The following TENM4 variants were observed in gnomAD, a reference collection of about 807,000 sequenced individuals.
The protein encoded by TENM4 is teneurin-4.
A neutral mutation model predicts 243.3 loss-of-function variants in TENM4; 82 were observed. The observed-to-expected ratio is 0.34, with a 90% CI of 0.28 to 0.40. The LOEUF (loss-of-function observed/expected upper bound fraction) is 0.40, where lower values mean the gene tolerates loss of function less well. Among genes scored for constraint, TENM4 ranks in the 10% least tolerant of loss-of-function variants. The pLI is 1.00. For synonymous variants in TENM4, 1,412 were observed against 1,456.3 expected, an observed-to-expected ratio of 0.97 and a Z score of 0.69; for missense variants, 3,138 against 3,673.3, an observed-to-expected ratio of 0.85 and a Z score of 3.77.
intron 1 of TENM4, among the ~76,000 whole-genome samples, chr11:79,414,078 G>A (rs1858760810): frequency 6.6e-6 from 1 of 151,798 alleles, no homozygotes; most frequent in Non-Finnish European, 1.5e-5. Context: ...ACTTGACTTT[G>A]CTCTCAAAGG....
At chr11:79,272,771 G>C (rs2135348010) in intron 2 of TENM4, among the ~76,000 whole-genome samples, 1 of 152,150 alleles carries the variant, frequency 6.6e-6, no homozygotes, top group Middle Eastern at 3.4e-3. Context: ...GCTTCCCCTG[G>C]CCTGAGTTAA....
chr11:78,887,713 G>T lies in TENM4; in HGVS notation c.1084+2072C>A, dbSNP rs141379478. Among the ~76,000 whole-genome samples, 283 of 152,230 alleles carry T rather than the reference G, an allele frequency of 1.9e-3. 2 individuals are homozygous for T. Among genetic ancestry groups the T allele is most frequent in the African/African-American group, 6.5e-3 (270 of 41,524 alleles). On this transcript the variant is annotated intron_variant, in intron 9 of 33. Transcript: ENST00000278550. ...AGAGAGCTCACTAATTCCCACAGTT[G>T]CCCCTATCTTTAAATAGCTGAAGAC... is the stretch of plus-strand genomic sequence containing the variant.
At chr11:79,231,138 G>A (rs377219249) in intron 2 of TENM4, among the ~76,000 whole-genome samples, 1 of 152,148 alleles carries the variant, frequency 6.6e-6, no homozygotes, top group Non-Finnish European at 1.5e-5. Context: ...AAGGGACATG[G>A]AACTGGCAAA....
chr11:79,259,663 A>G (rs1415773350), intron 2 of TENM4, among the ~76,000 whole-genome samples: 2 of 15,518 alleles, frequency 1.3e-4, no homozygotes, highest in East Asian at 9.4e-3. Context: ...CCATCTATCC[A>G]TCCATCCATC....
At chr11:79,308,186 C>T (rs1856658564) in intron 1 of TENM4, among the ~76,000 whole-genome samples, 1 of 152,242 alleles carries the variant, frequency 6.6e-6, no homozygotes, top group Non-Finnish European at 1.5e-5. Flanking sequence ...GCCTAGAGAT[C>T]AAGGGCCTTC....
chr11:79,145,652 T>G (rs2135043272), intron 4 of TENM4, among the ~76,000 whole-genome samples: 1 of 152,242 alleles, frequency 6.6e-6, no homozygotes, highest in African/African-American at 2.4e-5. Flanking sequence ...AGGGGTATAT[T>G]CCAAGGAGTG....
chr11:78,661,951 CA>C (rs1414030400), intron 32 of TENM4, among the ~76,000 whole-genome samples: 1 of 152,160 alleles, frequency 6.6e-6, no homozygotes, highest in Non-Finnish European at 1.5e-5. Flanking sequence ...GAGATACTTA[CA>C]AAGGACAGCC....
At chr11:79,290,729 C>T (rs538507898) in intron 2 of TENM4, among the ~76,000 whole-genome samples, 4 of 151,994 alleles carry the variant, frequency 2.6e-5, no homozygotes, top group Non-Finnish European at 5.9e-5. Context: ...CCTCTTTGGA[C>T]CATTTTATTG....
chr11:79,102,151 G>A (rs776850016), intron 4 of TENM4, among the ~76,000 whole-genome samples: 17 of 152,352 alleles, frequency 1.1e-4, no homozygotes, highest in Non-Finnish European at 1.8e-4. Flanking sequence ...CAGTGATCAG[G>A]ACAGTGTCTG....
At chr11:78,730,099 C>T (rs1042512592) in intron 21 of TENM4, among the ~76,000 whole-genome samples, 3 of 152,172 alleles carry the variant, frequency 2.0e-5, no homozygotes, top group Non-Finnish European at 2.9e-5. Flanking sequence ...AGAAAGCTCA[C>T]GGAACCTCTG....
chr11:79,199,152 C>A (rs989270448), intron 3 of TENM4, among the ~76,000 whole-genome samples: 3 of 152,060 alleles, frequency 2.0e-5, no homozygotes, highest in Non-Finnish European at 4.4e-5. Flanking sequence ...ATGGCCAGGG[C>A]AGTTAGGAGC....
intron 1 of TENM4, among the ~76,000 whole-genome samples, chr11:79,378,442 C>G (rs1027484549): frequency 1.3e-5 from 2 of 152,206 alleles, no homozygotes; most frequent in African/African-American, 4.8e-5. Flanking sequence ...TGCATGGCTG[C>G]CCAGCTAAGT....
At chr11:79,182,365 T>G (rs1304986090) in intron 3 of TENM4, among the ~76,000 whole-genome samples, 1 of 152,148 alleles carries the variant, frequency 6.6e-6, no homozygotes, top group Non-Finnish European at 1.5e-5. Flanking sequence ...CAACAAATGG[T>G]GTAGGGACAA....
At chr11:79,083,178 G>A (rs565221093) in intron 4 of TENM4, among the ~76,000 whole-genome samples, 1 of 152,326 alleles carries the variant, frequency 6.6e-6, no homozygotes, top group South Asian at 2.1e-4. Flanking sequence ...GAGGCTGCTG[G>A]GGTGGAGGTG....
chr11:79,308,184 ATCAAGGGCCT>A (rs1856658524), intron 1 of TENM4, among the ~76,000 whole-genome samples: 1 of 152,248 alleles, frequency 6.6e-6, no homozygotes, highest in African/African-American at 2.4e-5. Context: ...CAGCCTAGAG[ATCAAGGGCCT>A]TCGCCTTTTT....
intron 1 of TENM4, among the ~76,000 whole-genome samples, chr11:79,374,375 C>A (rs908291726): frequency 6.6e-6 from 1 of 152,002 alleles, no homozygotes; most frequent in African/African-American, 2.4e-5. Flanking sequence ...ACCCACACAT[C>A]GACATAGAAA....
intron 2 of TENM4, among the ~76,000 whole-genome samples, chr11:79,242,121 G>A (rs1235717933): frequency 2.6e-5 from 4 of 152,330 alleles, no homozygotes; most frequent in South Asian, 4.1e-4. Context: ...GGAAGCAGGC[G>A]ATCGCTTCTT....
Position 78,658,047 on chromosome 11 carries a change from G to T in TENM4, c.*11C>A, listed in dbSNP as rs758035305. ...TAGCTGTCTTTGGCAAGAAGTCCTT[G>T]GTCCTCTCTGTCACCTCCGGCCCAT... On this transcript the variant is annotated 3_prime_UTR_variant, in exon 34 of 34. Coordinates refer to ENST00000278550, the MANE Select transcript of TENM4 (RefSeq NM_001098816.3). 1.2e-6 allele frequency: 2 copies of T among 1,610,956 alleles called. No homozygotes were observed. The highest frequency in any genetic ancestry group is 1.7e-6 in the Non-Finnish European group (2 of 1,178,252).
In TENM4 at chr11:78,658,749, T is replaced by G. The variant is rs776864685; in HGVS notation, c.7619A>C (p.Asp2540Ala). ...GGTGATTGTGGAGCCATAGAGCTGG[T>G]CAAACCGTTCTAAGGTGACAAAGGC... The part of the protein sequence containing the change: ...LKAFVTLERF[D>A]QLYGSTITSC... The change falls in exon 34 of 34, where the codon GAC becomes GCC. Residue 2540 changes from aspartate to alanine, a missense_variant. Around this residue, in one of 2 missense-constraint regions of TENM4, gnomAD observed 2,467 missense variants for 3,059.1 expected, o/e 0.81. Coordinates refer to ENST00000278550, the MANE Select transcript of TENM4 (RefSeq NM_001098816.3). 53 of 1,613,856 alleles carry G rather than the reference T, an allele frequency of 3.3e-5. No homozygotes were observed. Among genetic ancestry groups the G allele is most frequent in the Non-Finnish European group, 4.4e-5 (52 of 1,179,896 alleles).
Sources: gnomAD v4.1 joint callset for allele counts (sites outside exome capture counted in the v4.1 genomes callset) on GRCh38, gnomAD v4.1.1 for gene constraint, gnomAD v4.1.1 regional missense constraint, MANE v1.5 for transcripts, NCBI Gene and HGNC (gene_info 2026-07-23, HGNC 2026-07-21) for gene names.